Variants in STIM2 observed in about 807,000 individuals in gnomAD.
STIM2 encodes the protein stromal interaction molecule 2.
STIM2 carries 31 observed loss-of-function variants against 85.8 expected under a neutral mutation model. The ratio of observed to expected loss-of-function variants is 0.36; its 90% CI spans 0.27 to 0.49. The LOEUF is 0.49. STIM2 is among the 20% of genes least tolerant of loss of function. STIM2 has a pLI of 0.98. For missense variants in STIM2, 841 were observed against 927.6 expected, an observed-to-expected ratio of 0.91 and a Z score of 1.21; for synonymous variants, 356 against 331.1, an observed-to-expected ratio of 1.08 and a Z score of -0.82.
chr4:26,879,648 T>A (rs1722930672), intron 1 of STIM2, among the ~76,000 whole-genome samples: 1 of 152,210 alleles, frequency 6.6e-6, no homozygotes, highest in Admixed American at 6.5e-5. Context: ...ATCATGCCCA[T>A]TATCTCATAG....
chr4:26,943,838 C>T (rs1432011599), intron 2 of STIM2, among the ~76,000 whole-genome samples: 1 of 152,016 alleles, frequency 6.6e-6, no homozygotes, highest in Non-Finnish European at 1.5e-5. Context: ...CTGTATTTTC[C>T]TGTAGTCACA....
In STIM2 at chr4:26,919,511, C is replaced by A. The variant is rs1724720261; in HGVS notation, c.159C>A (p.Cys53Ter). 6.2e-7 allele frequency: 1 copy of A among 1,613,278 alleles called. No individual in the cohort carries two copies. Among genetic ancestry groups the A allele is most frequent in the South Asian group, 1.1e-5 (1 of 91,056 alleles). The change falls in exon 2 of 12, where the codon TGC becomes TGA. Residue 53 changes from cysteine (C) to a stop codon, truncating the protein, a stop_gained. Coordinates refer to ENST00000467087, the MANE Select transcript of STIM2 (RefSeq NM_020860.4). LOFTEE classifies it high-confidence loss of function. ...CCCTTTGTTCTCTTTCAGATCCCTG[C>A]ATGTCACTGAGTCCACCATGCTTTA...
intron 10 of STIM2, among the ~76,000 whole-genome samples, chr4:27,017,416 G>C (rs949153559): frequency 4.6e-5 from 7 of 151,992 alleles, no homozygotes; most frequent in Non-Finnish European, 1.0e-4. Context: ...TTAAAGATTT[G>C]TTGTCTTAGG....
chr4:26,948,568 C>T lies in STIM2; in HGVS notation c.283-9044C>T, dbSNP rs191333726. Among the ~76,000 whole-genome samples, 414 of 152,254 alleles carry T rather than the reference C, an allele frequency of 2.7e-3. 1 individual carries two copies. The highest frequency in any genetic ancestry group is 9.7e-3 in the African/African-American group (401 of 41,542). On this transcript the variant is annotated intron_variant, in intron 2 of 11. Transcript: ENST00000467087. ...CTTGAGCCCAGGAGTTCGAGACCAG[C>T]CTAGGCAACATAGTGAGACATTGTC...
chr4:26,970,560 C>A (rs1400236851), intron 3 of STIM2, among the ~76,000 whole-genome samples: 1 of 152,196 alleles, frequency 6.6e-6, no homozygotes, highest in Non-Finnish European at 1.5e-5. Context: ...CATGTCCCTG[C>A]AAAGGACATG....
chr4:26,947,001 A>G (rs1486825404), intron 2 of STIM2, among the ~76,000 whole-genome samples: 1 of 152,218 alleles, frequency 6.6e-6, no homozygotes, highest in East Asian at 1.9e-4. Context: ...GGCTTGAACA[A>G]TAGGAGTTTA....
intron 2 of STIM2, among the ~76,000 whole-genome samples, chr4:26,920,519 T>G (rs11732077): frequency 0.062 from 9,389 of 152,284 alleles, 421 homozygotes; most frequent in Non-Finnish European, 0.097. Flanking sequence ...AGTCCCTTTG[T>G]TGGATTTGTC....
chr4:27,009,624 C>G (rs1048635767), intron 10 of STIM2, among the ~76,000 whole-genome samples: 2 of 152,094 alleles, frequency 1.3e-5, no homozygotes, highest in African/African-American at 4.8e-5. Flanking sequence ...GAGAGTGAGG[C>G]GGCACTCAAC....
intron 1 of STIM2, among the ~76,000 whole-genome samples, chr4:26,882,349 T>C (rs1399120253): frequency 6.6e-6 from 1 of 152,226 alleles, no homozygotes; most frequent in African/African-American, 2.4e-5. Context: ...TTTCCCCCAA[T>C]TGTAATTCTA....
At chr4:26,967,394 A>G (rs1293319289) in intron 3 of STIM2, among the ~76,000 whole-genome samples, 1 of 152,182 alleles carries the variant, frequency 6.6e-6, no homozygotes, top group Non-Finnish European at 1.5e-5. Flanking sequence ...GAACTGATGA[A>G]TGAAATCAGT....
At chr4:26,928,772 C>G (rs559023176) in intron 2 of STIM2, among the ~76,000 whole-genome samples, 65 of 152,252 alleles carry the variant, frequency 4.3e-4, no homozygotes, top group South Asian at 3.1e-3. Flanking sequence ...CTTATTGAGT[C>G]TTTTAAATTT....
intron 10 of STIM2, among the ~76,000 whole-genome samples, chr4:27,011,221 A>G (rs752852747): frequency 6.6e-6 from 1 of 152,222 alleles, no homozygotes; most frequent in Non-Finnish European, 1.5e-5. Context: ...TTAGAAGTGT[A>G]TATAAATGTT....
rs1211425958 is a variant in STIM2 at position 26,906,440 on chromosome 4, G to GTT, written c.152-13047_152-13046dup. Among the ~76,000 whole-genome samples, 141 of 116,108 alleles carry GTT rather than the reference G, an allele frequency of 1.2e-3. 1 individual carries two copies. Among genetic ancestry groups the GTT allele is most frequent in the African/African-American group, 3.6e-3 (112 of 31,160 alleles). 76.2% of individuals were successfully genotyped at this position (116,108 alleles called of 152,430 possible). Reference sequence around the variant, plus strand: ...ATGAACCCAAAATACAAGTTTGTTTGTTTTTTTTTTTTTTTTTTGAAAAGC... The same window carrying GTT: ...ATGAACCCAAAATACAAGTTTGTTTGTTTTTTTTTTTTTTTTTTTTGAAAAGC... On this transcript the variant is annotated intron_variant, in intron 1 of 11. Transcript: ENST00000467087.
chr4:26,930,319 T>G (rs528953729), intron 2 of STIM2, among the ~76,000 whole-genome samples: 1 of 152,324 alleles, frequency 6.6e-6, no homozygotes, highest in Non-Finnish European at 1.5e-5. Flanking sequence ...AAAAGTTTTA[T>G]CATAGATTCT....
At chr4:26,878,705 A>G (rs539245789) in intron 1 of STIM2, among the ~76,000 whole-genome samples, 1 of 152,244 alleles carries the variant, frequency 6.6e-6, no homozygotes, top group East Asian at 1.9e-4. Flanking sequence ...AGACTGGGTA[A>G]TTTATGAACA....
rs765683339 is a variant in STIM2 at position 26,861,201 on chromosome 4, C to T, written c.-18C>T. 6 of 1,449,156 alleles carry T rather than the reference C, an allele frequency of 4.1e-6. No individual in the cohort carries two copies. Among genetic ancestry groups the T allele is most frequent in the African/African-American group, 2.9e-5 (2 of 68,818 alleles). The allele number at this position is 1,449,156 out of a possible 1,614,324, so 89.8% of individuals were successfully genotyped here. ...CCCAGCGTGGGGCTGGCTGCTGCGG[C>T]GGCGGCGCTGGGCTGCGTTGCTGGT... is the stretch of plus-strand genomic sequence containing the variant. On this transcript the variant is annotated 5_prime_UTR_variant, in exon 1 of 12. Transcript: ENST00000467087.
At chr4:26,951,662 A>T (rs1473711845) in intron 2 of STIM2, among the ~76,000 whole-genome samples, 1 of 152,140 alleles carries the variant, frequency 6.6e-6, no homozygotes, top group Non-Finnish European at 1.5e-5. Context: ...TGACTTACTA[A>T]AGTTTAGCAA....
At chr4:26,952,955 T>G (rs1726111867) in intron 2 of STIM2, among the ~76,000 whole-genome samples, 1 of 152,170 alleles carries the variant, frequency 6.6e-6, no homozygotes, top group African/African-American at 2.4e-5. Context: ...GTACTTTTCT[T>G]GTGGATTTTT....
chr4:27,011,840 A>C (rs935012094), intron 10 of STIM2, among the ~76,000 whole-genome samples: 5 of 151,958 alleles, frequency 3.3e-5, no homozygotes, highest in Non-Finnish European at 5.9e-5. Context: ...GTTATTTGAG[A>C]GTTGCAAATA....
Sources: gnomAD v4.1 joint callset for allele counts (sites outside exome capture counted in the v4.1 genomes callset) on GRCh38, gnomAD v4.1.1 for gene constraint, MANE v1.5 for transcripts, NCBI Gene and HGNC (gene_info 2026-07-23, HGNC 2026-07-21) for gene names.